Variants in ZNF75D observed in about 807,000 individuals in gnomAD.
ZNF75D encodes the protein zinc finger protein 75D.
A neutral mutation model predicts 33.3 loss-of-function variants in ZNF75D; 33 were observed. The ratio of observed to expected loss-of-function variants is 0.99; its 90% confidence interval spans 0.75 to 1.32. The LOEUF is 1.32. Ranked by LOEUF, ZNF75D falls within the 40% of genes most tolerant of loss-of-function variation. The pLI, the probability that ZNF75D is intolerant of heterozygous loss-of-function variation, is 0.00. For synonymous variants in ZNF75D, 113 were observed against 130.6 expected, an observed-to-expected ratio of 0.87 and a Z score of 0.92; for missense variants, 338 against 367.5, an observed-to-expected ratio of 0.92 and a Z score of 0.66.
intron 1 of ZNF75D, among the ~76,000 whole-genome samples, chrX:135,341,407 C>T (rs1360376344): frequency 3.6e-5 from 4 of 112,085 alleles, no homozygotes; most frequent in African/African-American, 1.3e-4. Flanking sequence ...CTCAAAATGT[C>T]ACTGCAGTTC....
intron 1 of ZNF75D, among the ~76,000 whole-genome samples, chrX:135,325,716 C>A (rs1342937653): frequency 8.8e-6 from 1 of 113,057 alleles, no homozygotes; most frequent in African/African-American, 3.2e-5. Context: ...GACCTGCAGC[C>A]CGCCATGCCT....
At chrX:135,265,653 G>A (rs1213646170) in intron 1 of ZNF75D, among the ~76,000 whole-genome samples, 1 of 111,850 alleles carries the variant, frequency 8.9e-6, no homozygotes, top group East Asian at 2.8e-4. Context: ...GACCTTCCCA[G>A]ACAAACAAAA....
intron 1 of ZNF75D, among the ~76,000 whole-genome samples, chrX:135,331,417 G>C (rs2084649941): frequency 9.1e-6 from 1 of 110,003 alleles, no homozygotes; most frequent in Admixed American, 9.8e-5. Context: ...CTAAAGGACT[G>C]GGAAATACAG....
intron 1 of ZNF75D, among the ~76,000 whole-genome samples, chrX:135,301,785 C>T (rs991016358): frequency 8.9e-6 from 1 of 112,182 alleles, no homozygotes; most frequent in East Asian, 2.8e-4. Flanking sequence ...AGGATGGTGG[C>T]CCTCTTCTCA....
At chrX:135,309,583 T>C (rs2084333677) in intron 1 of ZNF75D, 1 of 296,871 alleles carries the variant, frequency 3.4e-6, no homozygotes, top group East Asian at 4.7e-5. Context: ...AATGTGCAGG[T>C]CTTTTTAATC....
At chrX:135,326,025 C>T (rs782443239) in intron 1 of ZNF75D, among the ~76,000 whole-genome samples, 1 of 111,246 alleles carries the variant, frequency 9.0e-6, no homozygotes, top group South Asian at 3.9e-4. Flanking sequence ...CCAATCGACA[C>T]TCTGTATCTA....
chrX:135,275,100 T>C (rs2083895025), intron 1 of ZNF75D, among the ~76,000 whole-genome samples: 1 of 112,245 alleles, frequency 8.9e-6, no homozygotes, highest in African/African-American at 3.2e-5. Flanking sequence ...AACCAGTAAA[T>C]AGGGGGAAAA....
Position 135,256,675 on chromosome X carries a change from C to G in ZNF75D, n.828-898G>C, listed in dbSNP as rs369101104. Among the ~76,000 whole-genome samples the G allele has an allele frequency of 3.2e-4, 36 of 111,587 alleles. No individual in the cohort carries two copies. The East Asian group carries it at 5.1e-3, about 16-fold the overall frequency. ...AGCAGCTGACATGACTAGCGGAGCCCTTGTGCCATCCCTCCTCCAACCCCT... is the reference window on the plus strand; with the variant it reads ...AGCAGCTGACATGACTAGCGGAGCCGTTGTGCCATCCCTCCTCCAACCCCT... On this transcript the variant is annotated intron_variant and non_coding_transcript_variant, in intron 1 of 3. Coordinates refer to the ZNF75D transcript ENST00000494295.
At chrX:135,279,634 A>G (rs782526484) in intron 1 of ZNF75D, among the ~76,000 whole-genome samples, 3 of 111,686 alleles carry the variant, frequency 2.7e-5, no homozygotes, top group Middle Eastern at 4.6e-3. Context: ...AGTGCTATAA[A>G]TTTCCCTCTA....
intron 6 of ZNF75D, among the ~76,000 whole-genome samples, chrX:135,288,375 T>C (rs2083987709): frequency 8.9e-6 from 1 of 112,791 alleles, no homozygotes; most frequent in Non-Finnish European, 1.9e-5. Context: ...TGCTCTTTTT[T>C]ACATTTTCCA....
At chrX:135,256,801 C>T (rs1296381732) in intron 1 of ZNF75D, among the ~76,000 whole-genome samples, 1 of 111,856 alleles carries the variant, frequency 8.9e-6, no homozygotes, top group African/African-American at 3.3e-5. Flanking sequence ...AATGGACTAA[C>T]ACATTAAAGG....
At chrX:135,334,785 T>C (rs781940824) in intron 1 of ZNF75D, among the ~76,000 whole-genome samples, 2 of 111,850 alleles carry the variant, frequency 1.8e-5, no homozygotes, top group Admixed American at 1.9e-4. Flanking sequence ...TCGCCCAGTG[T>C]GTCATGTATA....
At chrX:135,290,638 A>G (rs1171202193) in intron 6 of ZNF75D, among the ~76,000 whole-genome samples, 1 of 112,651 alleles carries the variant, frequency 8.9e-6, no homozygotes, top group Non-Finnish European at 1.9e-5. Context: ...ATCTTTCCAC[A>G]TATCATTTAA....
intron 1 of ZNF75D, among the ~76,000 whole-genome samples, chrX:135,271,247 T>C (rs1156499458): frequency 8.9e-6 from 1 of 112,005 alleles, no homozygotes; most frequent in Non-Finnish European, 1.9e-5. Context: ...CTGGACAAAG[T>C]AATGTTTTGA....
intron 1 of ZNF75D, among the ~76,000 whole-genome samples, chrX:135,279,875 C>T (rs1047635791): frequency 9.0e-6 from 1 of 111,602 alleles, no homozygotes; most frequent in Non-Finnish European, 1.9e-5. Context: ...CATTATTTCG[C>T]GTTTACTGAG....
At chrX:135,305,006 A>G (rs7881472) in intron 1 of ZNF75D, among the ~76,000 whole-genome samples, 2,413 of 112,243 alleles carry the variant, frequency 0.021, 22 homozygotes, top group Non-Finnish European at 0.023. Flanking sequence ...AGAGATTTAT[A>G]TCACCCCTGG....
At chrX:135,306,288 TAC>T (rs57049630) in intron 1 of ZNF75D, among the ~76,000 whole-genome samples, 5,975 of 83,092 alleles carry the variant, frequency 0.072, 186 homozygotes, top group Middle Eastern at 0.12. Context: ...CAGAGATACA[TAC>T]ACACACACAC....
At chrX:135,258,344 A>G (rs1472422664) in intron 1 of ZNF75D, among the ~76,000 whole-genome samples, 2 of 110,432 alleles carry the variant, frequency 1.8e-5, no homozygotes. Flanking sequence ...TGGTAATTCT[A>G]GTTCTAGATC....
intron 1 of ZNF75D, among the ~76,000 whole-genome samples, chrX:135,274,973 C>T (rs1376699319): frequency 9.0e-6 from 1 of 111,325 alleles, no homozygotes; most frequent in East Asian, 2.8e-4. Flanking sequence ...ACAAAATGTG[C>T]CAGAAAGTGT....
Sources: allele counts gnomAD v4.1 joint callset (sites outside exome capture counted in the v4.1 genomes callset), GRCh38; gene constraint gnomAD v4.1.1; transcripts MANE v1.5; gene names NCBI Gene and HGNC (gene_info 2026-07-23, HGNC 2026-07-21).